The following MAGI2 variants were observed in gnomAD, a reference collection of about 807,000 sequenced individuals.
MAGI2 encodes the protein membrane associated guanylate kinase, WW and PDZ domain containing 2, also known as membrane-associated guanylate kinase, WW and PDZ domain-containing protein 2.
Under a neutral mutation model 133.3 loss-of-function variants are expected in MAGI2, and 35 were observed. The ratio of observed to expected loss-of-function variants is 0.26; its 90% CI spans 0.20 to 0.35. The LOEUF (loss-of-function observed/expected upper bound fraction) is 0.35, where lower values mean the gene tolerates loss of function less well. Ranked by LOEUF, MAGI2 falls within the 10% of genes least tolerant of loss-of-function variation. The pLI, the probability that MAGI2 is intolerant of heterozygous loss-of-function variation, is 1.00. For synonymous variants in MAGI2, 729 were observed against 710.6 expected (o/e 1.03, Z -0.41); for missense variants, 1,636 against 1,863.4 (o/e 0.88, Z 2.25).
At position 78,483,853 on chromosome 7, in the gene MAGI2, A is replaced by C. The variant is rs1042012027; in HGVS notation, c.1045+5908T>G. Reference sequence around the variant, plus strand: ...TATATGAAATATCAGTACAAAAACAAAATCAATTTTTGAAGTTTTAGTACT... The same window carrying C: ...TATATGAAATATCAGTACAAAAACACAATCAATTTTTGAAGTTTTAGTACT... On this transcript the variant is annotated intron_variant, in intron 6 of 21. Coordinates refer to ENST00000354212, the MANE Select transcript of MAGI2 (RefSeq NM_012301.4). Among the ~76,000 whole-genome samples, 4 of 151,990 alleles carry C rather than the reference A, an allele frequency of 2.6e-5. No individual in the cohort carries two copies. The East Asian group carries it at 5.8e-4, about 22-fold the overall frequency.
At chr7:78,912,317 G>A (rs1404775801) in intron 2 of MAGI2, among the ~76,000 whole-genome samples, 2 of 152,150 alleles carry the variant, frequency 1.3e-5, no homozygotes, top group Non-Finnish European at 2.9e-5. Context: ...CAAGGAGAAA[G>A]CAATGAACTC....
intron 1 of MAGI2, among the ~76,000 whole-genome samples, chr7:79,204,279 A>C (rs1828852655): frequency 6.6e-6 from 1 of 152,042 alleles, no homozygotes; most frequent in African/African-American, 2.4e-5. Context: ...TGTAAACTCA[A>C]ACTATGACCT....
At chr7:79,169,488 A>C (rs535585506) in intron 1 of MAGI2, among the ~76,000 whole-genome samples, 1 of 152,232 alleles carries the variant, frequency 6.6e-6, no homozygotes. Flanking sequence ...CATTTGTATC[A>C]ACACAGAAGA....
chr7:78,160,389 C>T, intron 15 of MAGI2, 116 bp from the exon 16 acceptor site: 1 of 1,096,796 alleles, frequency 9.1e-7, no homozygotes, highest in Non-Finnish European at 1.2e-6. Flanking sequence ...GGTTGAACTG[C>T]TTCTCTTTCT....
chr7:78,297,979 G>T (rs1215163602), intron 9 of MAGI2, among the ~76,000 whole-genome samples: 1 of 98,772 alleles, frequency 1.0e-5, no homozygotes, highest in East Asian at 4.3e-4. Flanking sequence ...AGAACTTAAA[G>T]TATAATTAAA....
chr7:78,988,636 T>G (rs1805481654), intron 2 of MAGI2, among the ~76,000 whole-genome samples: 1 of 152,254 alleles, frequency 6.6e-6, no homozygotes, highest in South Asian at 2.1e-4. Flanking sequence ...ATCAATAAAC[T>G]TAAGCAAAAT....
At position 78,104,095 on chromosome 7, in the gene MAGI2, C is replaced by CCAAAA. The variant is rs368433353; in HGVS notation, c.3567+21594_3567+21598dup. Among the ~76,000 whole-genome samples, 532 of 152,208 alleles carry CCAAAA rather than the reference C, an allele frequency of 3.5e-3. 3 individuals carry two copies. Among genetic ancestry groups the CCAAAA allele is most frequent in the African/African-American group, 0.012 (503 of 41,520 alleles). On this transcript the variant is annotated intron_variant, in intron 20 of 21. Coordinates refer to ENST00000354212, the MANE Select transcript of MAGI2 (RefSeq NM_012301.4). ...TCCTGGGAGGTGTAATTACTGGGGA[C>CCAAAA]CAAAACAAAACAAAGTGGCTGGCCA...
intron 1 of MAGI2, among the ~76,000 whole-genome samples, chr7:79,429,795 T>C (rs532873189): frequency 5.9e-5 from 9 of 152,066 alleles, no homozygotes; most frequent in Non-Finnish European, 1.3e-4. Context: ...CTGACTCTTT[T>C]CTAATAAAAA....
At chr7:79,308,616 C>G (rs1018751873) in intron 1 of MAGI2, among the ~76,000 whole-genome samples, 7 of 152,138 alleles carry the variant, frequency 4.6e-5, no homozygotes, top group Admixed American at 4.6e-4. Context: ...GAACACTAAA[C>G]CTCTAATTGC....
chr7:78,282,041 C>CT (rs34759208), intron 9 of MAGI2, among the ~76,000 whole-genome samples: 110,567 of 152,004 alleles, frequency 0.73, 40,962 homozygotes, highest in African/African-American at 0.87. Flanking sequence ...ATTGAATTGC[C>CT]TTTGCAACAA....
chr7:78,339,832 G>A (rs79314664), intron 9 of MAGI2, among the ~76,000 whole-genome samples: 1,743 of 152,258 alleles, frequency 0.011, 29 homozygotes, highest in African/African-American at 0.039. Flanking sequence ...GTTTGGAAAC[G>A]TGGTGAGTTA....
chr7:78,863,888 G>A (rs1794347410), intron 2 of MAGI2, among the ~76,000 whole-genome samples: 1 of 152,118 alleles, frequency 6.6e-6, no homozygotes, highest in South Asian at 2.1e-4. Context: ...TTCTAAGACA[G>A]CAGAATTTTC....
rs561673881 is a variant in MAGI2, at chr7:78,734,975, C to T, written c.419-107736G>A. Among the ~76,000 whole-genome samples, 4 of 152,302 alleles carry T rather than the reference C, an allele frequency of 2.6e-5. No homozygotes were observed. In the East Asian group the frequency reaches 7.7e-4, roughly 29 times the overall value. On this transcript the variant is annotated intron_variant, in intron 2 of 21. Transcript: ENST00000354212. The stretch of plus-strand genomic sequence containing the variant: ...ATTGTCTGTTACAGAGCAGCAAAAT[C>T]TAACTGATACATAACTTTTCTGTGT...
chr7:78,335,472 C>T (rs972798501), intron 9 of MAGI2, among the ~76,000 whole-genome samples: 6 of 152,164 alleles, frequency 3.9e-5, no homozygotes, highest in African/African-American at 1.4e-4. Context: ...ACGTTGGACC[C>T]CCAAGTATCT....
At chr7:78,054,255 A>T (rs1812323723) in intron 21 of MAGI2, among the ~76,000 whole-genome samples, 1 of 152,054 alleles carries the variant, frequency 6.6e-6, no homozygotes, top group African/African-American at 2.4e-5. Context: ...CCTCCTGAGT[A>T]GCTGCGACTA....
chr7:78,417,830 T>C (rs1271285297), intron 6 of MAGI2, among the ~76,000 whole-genome samples: 1 of 152,170 alleles, frequency 6.6e-6, no homozygotes, highest in African/African-American at 2.4e-5. Flanking sequence ...TTACCCATTC[T>C]AAGGTGAATT....
chr7:78,054,589 CT>C lies in MAGI2; in HGVS notation c.3706+24357del, dbSNP rs3972364. ...TTAAGCCCCTTCATTCATAGGCATA[CT>C]TTTTTTTTTTTTTCCTGAAAGACCA... On this transcript the variant is annotated intron_variant, in intron 21 of 21. Transcript: ENST00000354212. Among the ~76,000 whole-genome samples, 680 of 141,564 alleles carry C rather than the reference CT, an allele frequency of 4.8e-3. 3 individuals are homozygous for C. Among genetic ancestry groups the C allele is most frequent in the Non-Finnish European group, 6.4e-3 (420 of 65,720 alleles). The allele number at this position is 141,564 out of a possible 152,430, so 92.9% of individuals were successfully genotyped here. A position where few individuals can be genotyped will look rare whatever the true frequency, so the allele number is the denominator to read the frequency against.
intron 20 of MAGI2, among the ~76,000 whole-genome samples, chr7:78,103,654 C>T (rs1818400272): frequency 6.6e-6 from 1 of 152,240 alleles, no homozygotes; most frequent in African/African-American, 2.4e-5. Flanking sequence ...CCGTATACTA[C>T]TCTGCCTCCC....
At chr7:79,148,459 T>C (rs950236975) in intron 1 of MAGI2, among the ~76,000 whole-genome samples, 6 of 152,148 alleles carry the variant, frequency 3.9e-5, no homozygotes, top group African/African-American at 1.4e-4. Flanking sequence ...TCTCTCAGCA[T>C]TTAACCATTC....
Sources: gnomAD v4.1 joint callset for allele counts (sites outside exome capture counted in the v4.1 genomes callset) on GRCh38, gnomAD v4.1.1 for gene constraint, MANE v1.5 for transcripts, NCBI Gene and HGNC (gene_info 2026-07-23, HGNC 2026-07-21) for gene names.